Variants in THSD7A observed in about 807,000 individuals in gnomAD.
THSD7A encodes the protein thrombospondin type-1 domain-containing protein 7A.
A neutral mutation model predicts 231.3 loss-of-function variants in THSD7A; 96 were observed. The observed-to-expected ratio is 0.41, with a 90% CI of 0.35 to 0.49. The LOEUF is 0.49. Ranked by LOEUF, THSD7A falls within the 20% of genes least tolerant of loss-of-function variation. THSD7A has a pLI of 0.05. For synonymous variants in THSD7A, 940 were observed against 743.3 expected (o/e 1.26, Z -4.30); for missense variants, 2,290 against 2,070.2 (o/e 1.11, Z -2.06).
At chr7:11,383,339 A>C (rs1782600116) in intron 23 of THSD7A, among the ~76,000 whole-genome samples, 1 of 152,052 alleles carries the variant, frequency 6.6e-6, no homozygotes, top group Non-Finnish European at 1.5e-5. Context: ...CCATTGTACT[A>C]CATAACACAG....
At chr7:11,709,958 C>G (rs976796956) in intron 1 of THSD7A, among the ~76,000 whole-genome samples, 3 of 150,820 alleles carry the variant, frequency 2.0e-5, no homozygotes. Context: ...ACTGCTAACT[C>G]TTAAAAGGTT....
chr7:11,501,020 A>G (rs1349132495), intron 6 of THSD7A, among the ~76,000 whole-genome samples: 1 of 152,044 alleles, frequency 6.6e-6, no homozygotes, highest in African/African-American at 2.4e-5. Context: ...AAGATAAAAA[A>G]AAAAGACAAG....
At chr7:11,393,143 G>T (rs183911090) in intron 23 of THSD7A, among the ~76,000 whole-genome samples, 83 of 152,282 alleles carry the variant, frequency 5.5e-4, no homozygotes, top group African/African-American at 1.9e-3. Context: ...GAGAGCTCTG[G>T]CTGGCATCTG....
At chr7:11,749,046 G>A (rs1562526959) in intron 1 of THSD7A, among the ~76,000 whole-genome samples, 1 of 151,986 alleles carries the variant, frequency 6.6e-6, no homozygotes, top group African/African-American at 2.4e-5. Context: ...GAGAGAGCTT[G>A]TTTAAACTAC....
chr7:11,410,321 C>T (rs2115380527), intron 19 of THSD7A: 1 of 152,262 alleles, frequency 6.6e-6, no homozygotes, highest in South Asian at 2.1e-4. Flanking sequence ...GTAGAGTTTT[C>T]CCCTAGGTAT....
intron 1 of THSD7A, among the ~76,000 whole-genome samples, chr7:11,772,208 C>T: frequency 6.9e-6 from 1 of 144,774 alleles, no homozygotes; most frequent in South Asian, 2.2e-4. Flanking sequence ...AAAGTTAAAA[C>T]AAAAAAAAAC....
chr7:11,447,013 A>C (rs562798719), intron 12 of THSD7A, among the ~76,000 whole-genome samples: 99 of 152,256 alleles, frequency 6.5e-4, no homozygotes, highest in African/African-American at 2.0e-3. Context: ...AATCCACTGC[A>C]TATTATATAG....
Position 11,474,056 on chromosome 7 carries a change from T to A in THSD7A, c.2252+278A>T, listed in dbSNP as rs1014652776. Reference sequence around the variant, plus strand: ...GCCAGGCTTACGGCAAGCACTTCTTTCATTGCCTCACTAGCTTAATAAAAG... The same window carrying A: ...GCCAGGCTTACGGCAAGCACTTCTTACATTGCCTCACTAGCTTAATAAAAG... On this transcript the variant is annotated intron_variant, in intron 8 of 27. Transcript: ENST00000423059. This position sits in a 1 kb window ranked among gnomAD's most constrained non-coding sequence, Gnocchi z 4.1. Among the ~76,000 whole-genome samples the A allele has an allele frequency of 6.6e-6, 1 of 152,152 alleles. No individual in the cohort carries two copies. Among genetic ancestry groups the A allele is most frequent in the Admixed American group, 6.6e-5 (1 of 15,262 alleles).
At chr7:11,721,892 C>G (rs192643268) in intron 1 of THSD7A, among the ~76,000 whole-genome samples, 16 of 152,008 alleles carry the variant, frequency 1.1e-4, no homozygotes, top group Admixed American at 9.2e-4. Context: ...GAATCTTCCT[C>G]TTGCTCTCTA....
At chr7:11,762,889 C>G (rs959160584) in intron 1 of THSD7A, among the ~76,000 whole-genome samples, 1 of 152,022 alleles carries the variant, frequency 6.6e-6, no homozygotes, top group Non-Finnish European at 1.5e-5. Context: ...CCAAAGAAAT[C>G]TACAGATTCA....
At chr7:11,810,205 G>A (rs1029361443) in intron 1 of THSD7A, among the ~76,000 whole-genome samples, 2 of 152,132 alleles carry the variant, frequency 1.3e-5, no homozygotes, top group African/African-American at 2.4e-5. Flanking sequence ...GCTGTCCTAC[G>A]GTTTCATGGG....
At chr7:11,732,038 A>G (rs1403971229) in intron 1 of THSD7A, among the ~76,000 whole-genome samples, 2 of 151,744 alleles carry the variant, frequency 1.3e-5, no homozygotes, top group South Asian at 2.1e-4. Context: ...TGTATATATT[A>G]AGAACAATGC....
intron 1 of THSD7A, among the ~76,000 whole-genome samples, chr7:11,730,984 T>C (rs952366888): frequency 6.6e-6 from 1 of 151,700 alleles, no homozygotes; most frequent in Non-Finnish European, 1.5e-5. Context: ...CATAGTCTTA[T>C]TTTGCAGTTT....
rs114531757 is a variant in THSD7A at position 11,730,142 on chromosome 7, A to G, written c.191-93181T>C. ...TTTGTTGTGAAATTATTTTGCACAC[A>G]AGACAGCTTGCACCAAAATTTAACT... On this transcript the variant is annotated intron_variant, in intron 1 of 27. Coordinates refer to ENST00000423059, the MANE Select transcript of THSD7A (RefSeq NM_015204.3). Among the ~76,000 whole-genome samples the G allele has an allele frequency of 5.0e-3, 753 of 151,824 alleles. 4 individuals carry two copies. Among genetic ancestry groups the G allele is most frequent in the African/African-American group, 0.018 (727 of 41,534 alleles).
intron 4 of THSD7A, among the ~76,000 whole-genome samples, chr7:11,575,527 T>C (rs1347212840): frequency 1.3e-5 from 2 of 152,298 alleles, no homozygotes; most frequent in East Asian, 3.9e-4. Flanking sequence ...ACCGCAATGA[T>C]GGTTGGAAAT....
At chr7:11,820,805 C>G in intron 1 of THSD7A, 1 of 1,093,964 alleles carries the variant, frequency 9.1e-7, no homozygotes, top group Non-Finnish European at 1.4e-6. Context: ...GGACGTGCCT[C>G]TCGCTCTCCG....
chr7:11,662,668 T>A (rs1399988454), intron 1 of THSD7A, among the ~76,000 whole-genome samples: 2 of 151,380 alleles, frequency 1.3e-5, no homozygotes, highest in Non-Finnish European at 3.0e-5. Flanking sequence ...ATCTGCTGGC[T>A]TTAAAGTAAA....
intron 1 of THSD7A, among the ~76,000 whole-genome samples, chr7:11,773,410 ACCCC>A (rs1783299177): frequency 6.6e-6 from 1 of 151,970 alleles, no homozygotes; most frequent in Non-Finnish European, 1.5e-5. Context: ...CATGCCTGTG[ACCCC>A]AGCTACTCGG....
intron 1 of THSD7A, among the ~76,000 whole-genome samples, chr7:11,800,763 A>G (rs1784251880): frequency 6.6e-6 from 1 of 152,154 alleles, no homozygotes; most frequent in East Asian, 1.9e-4. Flanking sequence ...CGATGAGTAT[A>G]AAGTTTCTAT....
Sources: gnomAD v4.1 joint callset for allele counts (sites outside exome capture counted in the v4.1 genomes callset) on GRCh38, gnomAD v4.1.1 for gene constraint, Gnocchi (gnomAD v3.1) non-coding constraint, MANE v1.5 for transcripts, NCBI Gene and HGNC (gene_info 2026-07-23, HGNC 2026-07-21) for gene names.